Variants in UBR3 observed in about 807,000 individuals in gnomAD.
UBR3 encodes the protein E3 ubiquitin-protein ligase UBR3.
In UBR3, 85 loss-of-function variants were observed where a neutral mutation model predicts 243.2. That is an observed-to-expected ratio of 0.35 (90% confidence interval 0.29 to 0.42). The LOEUF (loss-of-function observed/expected upper bound fraction) is 0.42. Among genes scored for constraint, UBR3 ranks in the 10% least tolerant of loss-of-function variants. The probability of loss-of-function intolerance (pLI) is 1.00; values close to 1 mark genes in which losing one functional copy is unlikely to be tolerated. For missense variants in UBR3, 1,686 were observed against 2,300.8 expected (o/e 0.73, Z 5.47); for synonymous variants, 748 against 799.8 (o/e 0.94, Z 1.09).
chr2:169,898,803 G>A (rs1483792148), intron 8 of UBR3, among the ~76,000 whole-genome samples: 3 of 145,946 alleles, frequency 2.1e-5, no homozygotes, highest in Non-Finnish European at 4.5e-5. Context: ...CCAGGTTCAC[G>A]CCATTCTCCT....
chr2:169,975,942 A>G (rs553440526), intron 24 of UBR3, among the ~76,000 whole-genome samples: 129 of 152,012 alleles, frequency 8.5e-4, no homozygotes, highest in Non-Finnish European at 1.4e-3. Context: ...TCATTATATA[A>G]TGACCATTTT....
intron 11 of UBR3, among the ~76,000 whole-genome samples, chr2:169,921,922 C>T (rs983904262): frequency 6.6e-6 from 1 of 151,924 alleles, no homozygotes. Flanking sequence ...ACCCGGGAGG[C>T]AGAGGTTGCA....
In UBR3 at chr2:170,079,802, A is replaced by G; in HGVS notation, c.5200-12A>G. ...ACATAAAACTAATGAATATTTTTGGATAATGTTTTAGGCCTTGCTTATCCA... is the reference window on the plus strand; with the variant it reads ...ACATAAAACTAATGAATATTTTTGGGTAATGTTTTAGGCCTTGCTTATCCA... On this transcript the variant is annotated splice_polypyrimidine_tract_variant and intron_variant, in intron 36 of 38. Coordinates refer to ENST00000272793, the MANE Select transcript of UBR3 (RefSeq NM_172070.4). 1 of 1,597,838 alleles carries G rather than the reference A, an allele frequency of 6.3e-7. No individual in the cohort carries two copies.
intron 1 of UBR3, among the ~76,000 whole-genome samples, chr2:169,863,831 A>T (rs1304395311): frequency 6.6e-6 from 1 of 152,148 alleles, no homozygotes; most frequent in Non-Finnish European, 1.5e-5. Flanking sequence ...AAATTTCTTG[A>T]TGGCGGAATT....
At chr2:170,027,846 A>T (rs1342882712) in intron 30 of UBR3, among the ~76,000 whole-genome samples, 2 of 151,920 alleles carry the variant, frequency 1.3e-5, no homozygotes, top group African/African-American at 4.8e-5. Context: ...TCCTCTGCTA[A>T]AACTTCCCTT....
In UBR3 at chr2:170,082,026, T is replaced by A. The variant is rs1009719229; in HGVS notation, c.*183T>A. The A allele has an allele frequency of 9.9e-6, 4 of 404,930 alleles. No individual in the cohort carries two copies. The highest frequency in any genetic ancestry group is 3.8e-5 in the East Asian group (1 of 26,598). The allele number at this position is 404,930 out of a possible 1,614,324, so 25.1% of individuals were successfully genotyped here. A position where few individuals can be genotyped will look rare whatever the true frequency, so the allele number is the denominator to read the frequency against. On this transcript the variant is annotated 3_prime_UTR_variant, in exon 39 of 39. Transcript: ENST00000272793. ...CGTTAATGGTATAATTTTTTTTTTT[T>A]AATATCTGGAGAACATTAATAACAA...
At chr2:170,016,110 A>G (rs200802197) in intron 30 of UBR3, among the ~76,000 whole-genome samples, 1 of 20,666 alleles carries the variant, frequency 4.8e-5, no homozygotes, top group Admixed American at 5.2e-4. Flanking sequence ...AAAAATGAAT[A>G]TATATTCTCA....
chr2:169,846,164 C>T lies in UBR3; in HGVS notation c.545+18112C>T. Among the ~76,000 whole-genome samples the T allele has an allele frequency of 1.3e-5, 2 of 152,102 alleles. 1 individual carries two copies. The highest frequency in any genetic ancestry group is 4.8e-5 in the African/African-American group (2 of 41,410). ...ATTACTGAGAATGGTGTTGAAGTCT[C>T]CAAATATAACCGTGGATTTGTCTCT... On this transcript the variant is annotated intron_variant, in intron 1 of 38. Coordinates refer to ENST00000272793, the MANE Select transcript of UBR3 (RefSeq NM_172070.4).
rs187548815 is a variant in UBR3, at chr2:169,842,131, C to T, written c.545+14079C>T. On this transcript the variant is annotated intron_variant, in intron 1 of 38. Transcript: ENST00000272793. ...CTGTATCTAGCTGCTCTGGTGAGGA[C>T]GTGGAGAACCTTTAAGTCTAGCTCA... is the stretch of plus-strand genomic sequence containing the variant. Among the ~76,000 whole-genome samples the T allele has an allele frequency of 3.9e-5, 6 of 152,256 alleles. No homozygotes were observed. In the East Asian group the frequency reaches 1.2e-3, roughly 29 times the overall value.
At chr2:169,910,610 G>T (rs902667543) in intron 10 of UBR3, among the ~76,000 whole-genome samples, 2 of 152,120 alleles carry the variant, frequency 1.3e-5, no homozygotes, top group Non-Finnish European at 2.9e-5. Context: ...GTATCTGAGA[G>T]AGTAACTTCT....
Position 169,827,936 on chromosome 2 carries a change from G to C in UBR3, c.429G>C (p.Ser143=), listed in dbSNP as rs748522549. ...CRTCGISPCM[S]LCAECFHQGD... ...CGTGCGGCATCTCGCCCTGCATGTC[G>C]CTGTGCGCCGAGTGCTTCCACCAGG... is the stretch of plus-strand genomic sequence containing the variant. Residue 143 remains serine, a synonymous_variant, in exon 1 of 39, where the codon TCG becomes TCC. Coordinates refer to ENST00000272793, the MANE Select transcript of UBR3 (RefSeq NM_172070.4). 4.7e-6 allele frequency: 7 copies of C among 1,485,512 alleles called. No individual in the cohort carries two copies. Among genetic ancestry groups the C allele is most frequent in the Non-Finnish European group, 5.4e-6 (6 of 1,117,266 alleles). The allele number at this position is 1,485,512 out of a possible 1,614,324, so 92.0% of individuals were successfully genotyped here.
chr2:170,068,079 T>C (rs2091616227), intron 35 of UBR3, among the ~76,000 whole-genome samples: 1 of 151,968 alleles, frequency 6.6e-6, no homozygotes, highest in African/African-American at 2.4e-5. Context: ...CTAGAAAATA[T>C]TTTTAACTGA....
chr2:169,827,744 CG>C lies in UBR3; in HGVS notation c.242del (p.Gly81AlafsTer97). The C allele has an allele frequency of 8.0e-7, 1 of 1,243,944 alleles. No individual in the cohort carries two copies. Among genetic ancestry groups the C allele is most frequent in the Non-Finnish European group, 1.0e-6 (1 of 996,398 alleles). 77.1% of individuals were successfully genotyped at this position (1,243,944 alleles called of 1,614,324 possible). On this transcript the variant is annotated frameshift_variant, in exon 1 of 39. Transcript: ENST00000272793. LOFTEE classifies it high-confidence loss of function. ...GCGAGGACGCGGCGGCGGCCGGAGG[CG>C]GGGGCGGTCCGGGGGCGGCCGAGGA... The part of the protein sequence containing the change: ...GGEDAAAAGG[G>X]GGPGAAEEEA...
chr2:169,899,396 T>C (rs1457812882), intron 8 of UBR3, among the ~76,000 whole-genome samples: 2 of 152,228 alleles, frequency 1.3e-5, no homozygotes, highest in African/African-American at 2.4e-5. Context: ...TGCTTTTTCT[T>C]TTTTCCTTTT....
At chr2:170,057,190 A>T (rs2091354831) in intron 33 of UBR3, among the ~76,000 whole-genome samples, 1 of 149,688 alleles carries the variant, frequency 6.7e-6, no homozygotes, top group South Asian at 2.1e-4. Flanking sequence ...ATCAGGGCTC[A>T]CTGCAGCCTC....
At chr2:169,930,384 T>G (rs557316348) in intron 18 of UBR3, among the ~76,000 whole-genome samples, 3 of 152,200 alleles carry the variant, frequency 2.0e-5, no homozygotes, top group South Asian at 4.1e-4. Flanking sequence ...ATTAGTTGTT[T>G]TTTTTTTTGT....
intron 8 of UBR3, among the ~76,000 whole-genome samples, chr2:169,904,911 G>C (rs1559079070): frequency 1.3e-5 from 2 of 152,038 alleles, no homozygotes; most frequent in Admixed American, 1.3e-4. Context: ...TTTTAAGATG[G>C]ATGTTTTTAT....
chr2:169,836,200 C>T (rs1001384535), intron 1 of UBR3, among the ~76,000 whole-genome samples: 1 of 148,752 alleles, frequency 6.7e-6, no homozygotes, highest in Non-Finnish European at 1.5e-5. Flanking sequence ...TCTCCTGCCT[C>T]AGCCGCCTGA....
At chr2:169,973,867 C>T (rs1168497218) in intron 24 of UBR3, among the ~76,000 whole-genome samples, 3 of 152,108 alleles carry the variant, frequency 2.0e-5, no homozygotes. Flanking sequence ...GTTGACATAC[C>T]TCCATCTATA....
Sources: allele counts gnomAD v4.1 joint callset (sites outside exome capture counted in the v4.1 genomes callset), GRCh38; gene constraint gnomAD v4.1.1; transcripts MANE v1.5; gene names NCBI Gene and HGNC (gene_info 2026-07-23, HGNC 2026-07-21).